Variants in C1orf216 observed in about 807,000 individuals in gnomAD.
C1orf216 encodes UPF0500 protein C1orf216.
A neutral mutation model predicts 16.4 loss-of-function variants in C1orf216; 18 were observed. The ratio of observed to expected loss-of-function variants is 1.10; its 90% CI spans 0.76 to 1.63. The LOEUF (loss-of-function observed/expected upper bound fraction) is 1.63. C1orf216 is among the 40% of genes most tolerant of loss of function. The pLI, the probability that C1orf216 is intolerant of heterozygous loss-of-function variation, is 0.00. For synonymous variants in C1orf216, 115 were observed against 116.9 expected (o/e 0.98, Z 0.11); for missense variants, 271 against 297.6 (o/e 0.91, Z 0.66).
rs1297569860 is a variant in C1orf216 at position 35,714,849 on chromosome 1, C to T, written c.*783G>A. On this transcript the variant is annotated 3_prime_UTR_variant, in exon 2 of 2. Transcript: ENST00000270815. The stretch of plus-strand genomic sequence containing the variant: ...GCCAAAATTCCATGGCAGGCCAGAG[C>T]AGCCACTAAACCTCCTACAAGTAAA... 6.6e-6 allele frequency: 1 copy of T among 152,470 alleles called. No homozygotes were observed. The highest frequency in any genetic ancestry group is 1.5e-5 in the Non-Finnish European group (1 of 68,180). 9.4% of individuals were successfully genotyped at this position (152,470 alleles called of 1,614,324 possible). A position where few individuals can be genotyped will look rare whatever the true frequency, so the allele number is the denominator to read the frequency against.
chr1:35,716,640 A>C (rs1393957153), intron 1 of C1orf216: 3 of 360,024 alleles, frequency 8.3e-6, no homozygotes, highest in Non-Finnish European at 1.5e-5. Flanking sequence ...TGACTCTCAG[A>C]TCTGTCTTCA....
Position 35,716,010 on chromosome 1 carries a change from G to A in C1orf216, c.312C>T (p.Val104=). 6.2e-7 allele frequency: 1 copy of A among 1,614,084 alleles called. No individual in the cohort carries two copies. Among genetic ancestry groups the A allele is most frequent in the Middle Eastern group, 1.7e-4 (1 of 6,060 alleles). The part of the protein sequence containing the change: ...EPEKMGGAGT[V]CSPLEDNGYA... Reference sequence around the variant, plus strand: ...AGCCGTTGTCCTCCAGAGGGGAGCAGACTGTGCCAGCACCACCCATCTTCT... The same window carrying A: ...AGCCGTTGTCCTCCAGAGGGGAGCAAACTGTGCCAGCACCACCCATCTTCT... The change falls in exon 2 of 2, where the codon GTC becomes GTT. Residue 104 remains valine (V), a synonymous_variant. Coordinates refer to ENST00000270815, the MANE Select transcript of C1orf216 (RefSeq NM_152374.2).
intron 1 of C1orf216, among the ~76,000 whole-genome samples, chr1:35,717,821 C>T (rs1340250556): frequency 6.6e-6 from 1 of 152,162 alleles, no homozygotes; most frequent in African/African-American, 2.4e-5. Context: ...GAGCCCTGAA[C>T]CAGGCTGTCT....
At chr1:35,716,394 T>C (rs531752286) in intron 1 of C1orf216, 68 bp from the exon 2 acceptor site, 389 of 1,376,900 alleles carry the variant, frequency 2.8e-4, no homozygotes, top group Non-Finnish European at 3.6e-4. Flanking sequence ...CAGGGCAACT[T>C]AGCTGCAGGG....
rs1254916630 is a variant in C1orf216 at position 35,714,901 on chromosome 1, C to T, written c.*731G>A. The stretch of plus-strand genomic sequence containing the variant: ...CCAACATCAGGGACAATAGCCTCAG[C>T]TGAGCAAGTCTGGGTTAAGTGAGGG... On this transcript the variant is annotated 3_prime_UTR_variant, in exon 2 of 2. Transcript: ENST00000270815. 6.6e-6 allele frequency: 1 copy of T among 152,384 alleles called. No homozygotes were observed. The highest frequency in any genetic ancestry group is 2.4e-5 in the African/African-American group (1 of 41,470). 9.4% of individuals were successfully genotyped at this position (152,384 alleles called of 1,614,324 possible).
intron 1 of C1orf216, among the ~76,000 whole-genome samples, chr1:35,717,728 A>G (rs1640975951): frequency 6.6e-6 from 1 of 152,138 alleles, no homozygotes; most frequent in Non-Finnish European, 1.5e-5. Flanking sequence ...GTTTGTGGTA[A>G]TGATCTTGTA....
intron 1 of C1orf216, chr1:35,716,789 G>A: frequency 5.9e-6 from 1 of 168,230 alleles, no homozygotes; most frequent in Non-Finnish European, 1.3e-5. Flanking sequence ...CTGAGGTCAG[G>A]AGTTCGAGAC....
Position 35,716,193 on chromosome 1 carries a change from G to A in C1orf216, c.129C>T (p.Asn43=), listed in dbSNP as rs769413104. ...TGCCTGGCATCCCATGCCAATTCTC[G>A]TTAGCATCCTTGGCACTTGCCATGA... ...SNFMASAKDA[N]ENWHGMPGRV... Residue 43 remains asparagine, a synonymous_variant, in exon 2 of 2, where the codon AAC becomes AAT. Coordinates refer to ENST00000270815, the MANE Select transcript of C1orf216 (RefSeq NM_152374.2). 164 of 1,614,148 alleles carry A rather than the reference G, an allele frequency of 1.0e-4. No individual in the cohort carries two copies. Among genetic ancestry groups the A allele is most frequent in the Non-Finnish European group, 1.3e-4 (158 of 1,180,060 alleles).
At position 35,715,391 on chromosome 1, in the gene C1orf216, C is replaced by G. The variant is rs1640934320; in HGVS notation, c.*241G>C. On this transcript the variant is annotated 3_prime_UTR_variant, in exon 2 of 2. Transcript: ENST00000270815. This position sits in a 1 kb window ranked among gnomAD's most constrained non-coding sequence, Gnocchi z 4.3. Reference sequence around the variant, plus strand: ...CTACACACACACACATATGTTCACTCTTACATGCTCACATATAGGTCTGCA... The same window carrying G: ...CTACACACACACACATATGTTCACTGTTACATGCTCACATATAGGTCTGCA... The G allele has an allele frequency of 5.3e-6, 3 of 563,472 alleles. No homozygotes were observed. Among genetic ancestry groups the G allele is most frequent in the Non-Finnish European group, 9.4e-6 (3 of 317,524 alleles). The allele number at this position is 563,472 out of a possible 1,614,324, so 34.9% of individuals were successfully genotyped here. A position where few individuals can be genotyped will look rare whatever the true frequency, so the allele number is the denominator to read the frequency against.
Position 35,716,289 on chromosome 1 carries a change from C to T in C1orf216, c.33G>A (p.Gly11=). 1 of 1,613,924 alleles carries T rather than the reference C, an allele frequency of 6.2e-7. No homozygotes were observed. The highest frequency in any genetic ancestry group is 8.5e-7 in the Non-Finnish European group (1 of 1,179,870). MFAIQPGLAE[G]GQFLGDPPPG... The stretch of plus-strand genomic sequence containing the variant: ...GAGGTGGGTCCCCCAGGAATTGGCC[C>T]CCCTCAGCTAGCCCTGGCTGGATGG... The change falls in exon 2 of 2, where the codon GGG becomes GGA. Residue 11 remains glycine (G), a synonymous_variant. Coordinates refer to ENST00000270815, the MANE Select transcript of C1orf216 (RefSeq NM_152374.2).
rs1197057749 is a variant in C1orf216 at position 35,716,104 on chromosome 1, G to A, written c.218C>T (p.Ala73Val). Reference protein sequence around the residue: ...ESPSDNQAFQAPGSPEEGVRS... With the variant: ...ESPSDNQAFQVPGSPEEGVRS... ...CACCCCTTCCTCAGGGGATCCAGGG[G>A]CCTGGAAGGCTTGGTTGTCAGAGGG... The change falls in exon 2 of 2, where the codon GCC (alanine) becomes GTC (valine). Residue 73 changes from alanine (A) to valine (V), a missense_variant. By Grantham distance (64) the Ala-to-Val change is moderately conservative (BLOSUM62 0). Around this residue, in one of 3 missense-constraint regions of C1orf216, gnomAD observed 220 missense variants for 227.8 expected, o/e 0.97. Coordinates refer to ENST00000270815, the MANE Select transcript of C1orf216 (RefSeq NM_152374.2). The A allele has an allele frequency of 3.1e-6, 5 of 1,614,058 alleles. No individual in the cohort carries two copies. Among genetic ancestry groups the A allele is most frequent in the African/African-American group, 1.3e-5 (1 of 74,954 alleles).
Position 35,715,627 on chromosome 1 carries a change from C to T in C1orf216, c.*5G>A. On this transcript the variant is annotated 3_prime_UTR_variant, in exon 2 of 2. Coordinates refer to ENST00000270815, the MANE Select transcript of C1orf216 (RefSeq NM_152374.2). This position sits in a 1 kb window ranked among gnomAD's most constrained non-coding sequence, Gnocchi z 4.3. The stretch of plus-strand genomic sequence containing the variant: ...ATACCCTTGCACACTTGTGGAGGCA[C>T]ACCCTTAGGCCTGGTCCTGGGGCCT... 6.2e-6 allele frequency: 10 copies of T among 1,602,896 alleles called. No individual in the cohort carries two copies. The highest frequency in any genetic ancestry group is 7.7e-6 in the Non-Finnish European group (9 of 1,173,090).
chr1:35,716,541 C>T, intron 1 of C1orf216: 1 of 573,170 alleles, frequency 1.7e-6, no homozygotes, highest in Non-Finnish European at 3.1e-6. Flanking sequence ...TTTCCTCCGT[C>T]CTCAGAGCCA....
At chr1:35,718,655 C>G (rs1640993185) in intron 1 of C1orf216, 52 bp downstream of exon 1, 1 of 152,318 alleles carries the variant, frequency 6.6e-6, no homozygotes, top group South Asian at 2.1e-4. Context: ...CCCCGCTTCC[C>G]GCGGCTGAGC....
chr1:35,715,847 G>A lies in C1orf216; in HGVS notation c.475C>T (p.Arg159Cys), dbSNP rs779116618. The A allele has an allele frequency of 6.8e-6, 11 of 1,614,242 alleles. No individual in the cohort carries two copies. The highest frequency in any genetic ancestry group is 1.6e-4 in the Middle Eastern group (1 of 6,062). The change falls in exon 2 of 2, where the codon CGC becomes TGC. Residue 159 changes from arginine (R) to cysteine (C), a missense_variant. This residue lies in a region of C1orf216 where 220 missense variants were observed against 227.8 expected (regional missense o/e 0.97). Transcript: ENST00000270815. This position sits in a 1 kb window ranked among gnomAD's most constrained non-coding sequence, Gnocchi z 4.3. ...QAVQHLQVQERYKEQEKEKHH... is the reference protein window; with the variant it reads ...QAVQHLQVQECYKEQEKEKHH... ...TTTTCCTTCTCCTGCTCTTTGTAGC[G>A]CTCCTGGACTTGTAAGTGCTGCACA... is the stretch of plus-strand genomic sequence containing the variant.
At position 35,715,843 on chromosome 1, in the gene C1orf216, T is replaced by C; in HGVS notation, c.479A>G (p.Tyr160Cys). 4.3e-6 allele frequency: 7 copies of C among 1,614,250 alleles called. No individual in the cohort carries two copies. In the African/African-American group the frequency reaches 6.7e-5, roughly 15 times the overall value. ...AVQHLQVQERYKEQEKEKHHV... is the reference protein window; with the variant it reads ...AVQHLQVQERCKEQEKEKHHV... ...GTGCTTTTCCTTCTCCTGCTCTTTG[T>C]AGCGCTCCTGGACTTGTAAGTGCTG... The change falls in exon 2 of 2, where the codon TAC (tyrosine) becomes TGC (cysteine). Residue 160 changes from tyrosine to cysteine, a missense_variant. By Grantham distance (194) the Tyr-to-Cys change is radical. Transcript: ENST00000270815. The surrounding 1 kb of genome is among the most constrained non-coding windows in gnomAD (Gnocchi z 4.3).
rs1157209222 is a variant in C1orf216 at position 35,715,799 on chromosome 1, A to G, written c.523T>C (p.Tyr175His). Reference sequence around the variant, plus strand: ...CACTGGAGCAGTGCCAGGCGACGGTACATCACCAAGTGCACGTGGTGCTTT... The same window carrying G: ...CACTGGAGCAGTGCCAGGCGACGGTGCATCACCAAGTGCACGTGGTGCTTT... ...KEKHHVHLVM[Y>H]RRLALLQWIR... The change falls in exon 2 of 2, where the codon TAC (tyrosine) becomes CAC (histidine). Residue 175 changes from tyrosine to histidine, a missense_variant. Tyr to His is a moderately conservative substitution (Grantham distance 83). Around this residue, in one of 3 missense-constraint regions of C1orf216, gnomAD observed 220 missense variants for 227.8 expected, o/e 0.97. Transcript: ENST00000270815. The surrounding 1 kb of genome is among the most constrained non-coding windows in gnomAD (Gnocchi z 4.3). 2.5e-6 allele frequency: 4 copies of G among 1,614,118 alleles called. No individual in the cohort carries two copies. Among genetic ancestry groups the G allele is most frequent in the Non-Finnish European group, 2.5e-6 (3 of 1,180,052 alleles).
Position 35,715,655 on chromosome 1 carries a change from A to C in C1orf216, c.667T>G (p.Ser223Ala). The change falls in exon 2 of 2, where the codon TCC becomes GCC. Residue 223 changes from serine (S) to alanine (A), a missense_variant. Coordinates refer to ENST00000270815, the MANE Select transcript of C1orf216 (RefSeq NM_152374.2). The surrounding 1 kb of genome is among the most constrained non-coding windows in gnomAD (Gnocchi z 4.3). ...CCTTAGGCCTGGTCCTGGGGCCTGG[A>C]TGGTGCTGCCCTCTGCTGGAGACAG... ...IRCLQQRAAP[S>A]RPQDQA The C allele has an allele frequency of 3.7e-6, 6 of 1,613,736 alleles. No homozygotes were observed. Among genetic ancestry groups the C allele is most frequent in the Non-Finnish European group, 5.1e-6 (6 of 1,179,760 alleles).
intron 1 of C1orf216, among the ~76,000 whole-genome samples, chr1:35,717,696 G>GTC (rs752483286): frequency 5.3e-5 from 8 of 152,280 alleles, no homozygotes; most frequent in Non-Finnish European, 1.2e-4. Flanking sequence ...ATCAGTGAAT[G>GTC]TCTATTCAAC....
Sources: allele counts gnomAD v4.1 joint callset (sites outside exome capture counted in the v4.1 genomes callset), GRCh38; gene constraint gnomAD v4.1.1; regional missense constraint gnomAD v4.1.1; non-coding constraint Gnocchi (gnomAD v3.1); transcripts MANE v1.5; gene names NCBI Gene and HGNC (gene_info 2026-07-23, HGNC 2026-07-21).